PHF14: variants seen among roughly 807,000 people sequenced by gnomAD.
PHF14 encodes the protein PHD finger protein 14.
A neutral mutation model predicts 117.9 loss-of-function variants in PHF14; 55 were observed. That is an observed-to-expected ratio of 0.47 (90% CI 0.38 to 0.58). The LOEUF (loss-of-function observed/expected upper bound fraction) is 0.58. Ranked by LOEUF, PHF14 falls within the 20% of genes least tolerant of loss-of-function variation. The pLI is 0.00. For missense variants in PHF14, 978 were observed against 1,122.2 expected (o/e 0.87, Z 1.84); for synonymous variants, 409 against 368.6 (o/e 1.11, Z -1.26).
At chr7:10,992,032 A>G (rs1479394181) in intron 4 of PHF14, among the ~76,000 whole-genome samples, 1 of 151,626 alleles carries the variant, frequency 6.6e-6, no homozygotes, top group Non-Finnish European at 1.5e-5. Flanking sequence ...TATTCTATCA[A>G]TTTTTTGTAG....
intron 3 of PHF14, among the ~76,000 whole-genome samples, chr7:10,986,086 A>G (rs1782218501): frequency 6.6e-6 from 1 of 151,716 alleles, no homozygotes; most frequent in Non-Finnish European, 1.5e-5. Flanking sequence ...CTCCCACCTC[A>G]GCCTTTGGAG....
chr7:11,034,932 T>C (rs879337680), intron 7 of PHF14, among the ~76,000 whole-genome samples: 5 of 152,130 alleles, frequency 3.3e-5, no homozygotes, highest in Non-Finnish European at 5.9e-5. Flanking sequence ...GCTAGTTGAA[T>C]GTTGTTGTTT....
intron 13 of PHF14, among the ~76,000 whole-genome samples, chr7:11,046,437 A>C (rs2128325152): frequency 6.6e-6 from 1 of 152,214 alleles, no homozygotes; most frequent in Non-Finnish European, 1.5e-5. Flanking sequence ...TATTCCTTGG[A>C]TATGTCTTTA....
At chr7:11,006,513 T>A (rs1783105285) in intron 4 of PHF14, 1 of 564,192 alleles carries the variant, frequency 1.8e-6, no homozygotes, top group Admixed American at 1.9e-5. Context: ...CTTGGCCACA[T>A]CAATGTCACA....
At chr7:11,135,804 GACAGC>G (rs1788205166) in intron 17 of PHF14, among the ~76,000 whole-genome samples, 1 of 152,096 alleles carries the variant, frequency 6.6e-6, no homozygotes, top group African/African-American at 2.4e-5. Context: ...GTAATAAAAT[GACAGC>G]ACCTTGTAAT....
At chr7:11,120,473 T>A (rs1392493602) in intron 17 of PHF14, among the ~76,000 whole-genome samples, 1 of 152,060 alleles carries the variant, frequency 6.6e-6, no homozygotes, top group East Asian at 1.9e-4. Context: ...CAAATGAAAA[T>A]CTTTCCTGTC....
At chr7:11,156,035 T>C (rs924227238) in intron 17 of PHF14, among the ~76,000 whole-genome samples, 4 of 152,250 alleles carry the variant, frequency 2.6e-5, no homozygotes, top group African/African-American at 9.6e-5. Flanking sequence ...AGACAAGCTT[T>C]ATAAGTGATT....
intron 4 of PHF14, among the ~76,000 whole-genome samples, chr7:10,991,700 G>C (rs956556063): frequency 6.7e-6 from 1 of 149,694 alleles, no homozygotes; most frequent in African/African-American, 2.5e-5. Flanking sequence ...TCGGTGTTCT[G>C]GTATTGTATT....
intron 17 of PHF14, among the ~76,000 whole-genome samples, chr7:11,168,745 T>C (rs1042017647): frequency 1.3e-5 from 2 of 152,188 alleles, no homozygotes; most frequent in Non-Finnish European, 2.9e-5. Flanking sequence ...AGATGAAATA[T>C]TTTTCCAGAC....
At chr7:11,148,370 T>C (rs1439515700) in intron 17 of PHF14, among the ~76,000 whole-genome samples, 2 of 152,220 alleles carry the variant, frequency 1.3e-5, no homozygotes, top group Non-Finnish European at 2.9e-5. Context: ...GCTGTGCTCT[T>C]TTCTACTTTA....
intron 17 of PHF14, among the ~76,000 whole-genome samples, chr7:11,132,397 G>T: frequency 6.6e-6 from 1 of 150,970 alleles, no homozygotes. Flanking sequence ...GTGTCCTCCA[G>T]GTCCATCCAT....
intron 16 of PHF14, among the ~76,000 whole-genome samples, chr7:11,091,837 C>T (rs753234198): frequency 3.3e-5 from 5 of 152,102 alleles, no homozygotes; most frequent in Non-Finnish European, 7.4e-5. Context: ...TTATTCTTTA[C>T]CCCTTAAGTA....
chr7:11,047,954 G>C (rs1365086541), intron 13 of PHF14, among the ~76,000 whole-genome samples: 2 of 125,460 alleles, frequency 1.6e-5, no homozygotes, highest in African/African-American at 3.0e-5. Context: ...AGGGAGGGAG[G>C]GGGAGGGAGG....
At position 11,067,804 on chromosome 7, in the gene PHF14, T is replaced by C. The variant is rs146146365; in HGVS notation, c.2654+5719T>C. On this transcript the variant is annotated intron_variant, in intron 16 of 17. Transcript: ENST00000634607. Reference sequence around the variant, plus strand: ...AGAACTGGTATGATCAGGGATCACATGATAAGAGAGGAATCAAGAGAGGGG... The same window carrying C: ...AGAACTGGTATGATCAGGGATCACACGATAAGAGAGGAATCAAGAGAGGGG... Among the ~76,000 whole-genome samples the C allele has an allele frequency of 2.3e-3, 345 of 152,244 alleles. 3 individuals are homozygous for C. Among genetic ancestry groups the C allele is most frequent in the African/African-American group, 7.9e-3 (329 of 41,558 alleles).
In PHF14 at chr7:11,111,459, T is replaced by C; in HGVS notation, c.2764T>C (p.Ser922Pro). The C allele has an allele frequency of 6.5e-7, 1 of 1,532,180 alleles. No homozygotes were observed. The highest frequency in any genetic ancestry group is 1.1e-5 in the South Asian group (1 of 87,364). The allele number at this position is 1,532,180 out of a possible 1,614,324, so 94.9% of individuals were successfully genotyped here. The stretch of plus-strand genomic sequence containing the variant: ...GATATGTCAGGAATGTGATTCTTCA[T>C]CTTCCAAGGTAAGGGGAGAAGTCTA... Reference protein sequence around the residue: ...GWICQECDSSSSKEDENEAER... With the variant: ...GWICQECDSSPSKEDENEAER... Residue 922 changes from serine (S) to proline (P), a missense_variant, in exon 17 of 18, where the codon TCT (serine) becomes CCT (proline). By Grantham distance (74) the Ser-to-Pro change is moderately conservative. Transcript: ENST00000634607.
intron 4 of PHF14, among the ~76,000 whole-genome samples, chr7:11,012,698 C>G (rs1009197631): frequency 1.2e-4 from 19 of 152,134 alleles, no homozygotes; most frequent in African/African-American, 4.6e-4. Flanking sequence ...ATTACATTAG[C>G]TGCCTAAATA....
Position 11,116,346 on chromosome 7 carries a change from G to A in PHF14, c.2772+4879G>A, listed in dbSNP as rs147079907. ...CGATATTTAGAAACCAAGATCTGGT[G>A]TGGTCATTGTTACTGGGATATTGCT... On this transcript the variant is annotated intron_variant, in intron 17 of 17. Coordinates refer to ENST00000634607, the MANE Select transcript of PHF14 (RefSeq NM_001007157.2). Among the ~76,000 whole-genome samples the A allele has an allele frequency of 5.3e-5, 8 of 152,106 alleles. No homozygotes were observed. In the East Asian group the frequency reaches 1.5e-3, roughly 29 times the overall value.
At chr7:11,048,888 AGTT>A (rs776763945) in intron 13 of PHF14, among the ~76,000 whole-genome samples, 17 of 129,750 alleles carry the variant, frequency 1.3e-4, no homozygotes, top group Non-Finnish European at 2.2e-4. Flanking sequence ...TGATTTTTTG[AGTT>A]GTTCCGTGTT....
intron 9 of PHF14, 61 bp from the exon 10 acceptor site, chr7:11,036,924 T>A: frequency 2.6e-6 from 3 of 1,143,590 alleles, no homozygotes; most frequent in Non-Finnish European, 3.8e-6. Context: ...TTATAGCTAG[T>A]TTCTTCCTAT....
Sources: allele counts gnomAD v4.1 joint callset (sites outside exome capture counted in the v4.1 genomes callset), GRCh38; gene constraint gnomAD v4.1.1; transcripts MANE v1.5; gene names NCBI Gene and HGNC (gene_info 2026-07-23, HGNC 2026-07-21).